The following CHST8 variants were observed in gnomAD, a reference collection of about 807,000 sequenced individuals.
The protein encoded by CHST8 is GALNAC-4-ST1.
Under a neutral mutation model 15.0 loss-of-function variants are expected in CHST8, and 10 were observed. The observed-to-expected ratio is 0.67, with a 90% CI of 0.41 to 1.13. CHST8 has a LOEUF of 1.13. Ranked by LOEUF, CHST8 falls within the 50% of genes most tolerant of loss-of-function variation. The pLI is 0.00. For synonymous variants in CHST8, 259 were observed against 256.6 expected (o/e 1.01, Z -0.09); for missense variants, 634 against 608.2 (o/e 1.04, Z -0.45).
chr19:33,744,514 A>G (rs936161728), intron 3 of CHST8: 1 of 152,130 alleles, frequency 6.6e-6, no homozygotes, highest in Non-Finnish European at 1.5e-5. Context: ...GGTGCCTGCC[A>G]TTGCCAAGAG....
chr19:33,661,867 CAA>C (rs34236738), intron 1 of CHST8, among the ~76,000 whole-genome samples: 1,016 of 76,680 alleles, frequency 0.013, 15 homozygotes, highest in East Asian at 0.048. Context: ...TTCATCTTTA[CAA>C]AAAAAAAAAA....
intron 1 of CHST8, among the ~76,000 whole-genome samples, chr19:33,633,584 G>GT (rs1437493981): frequency 1.1e-4 from 5 of 44,028 alleles, no homozygotes; most frequent in Non-Finnish European, 1.5e-4. Flanking sequence ...TTGTAGAGAT[G>GT]GGGGGGTCTC....
intron 3 of CHST8, among the ~76,000 whole-genome samples, chr19:33,757,605 A>AGCGG (rs1555724636): frequency 8.9e-6 from 1 of 112,922 alleles, no homozygotes; most frequent in African/African-American, 3.7e-5. Context: ...AGAAAGAAAG[A>AGCGG]GCCGGCCATT....
intron 1 of CHST8, among the ~76,000 whole-genome samples, chr19:33,630,388 G>A (rs1600224537): frequency 3.9e-5 from 6 of 152,062 alleles, no homozygotes; most frequent in Admixed American, 2.6e-4. Context: ...CAGCATAGCC[G>A]GTGCGTGGGG....
chr19:33,680,928 C>T (rs1972878342), intron 2 of CHST8, among the ~76,000 whole-genome samples: 1 of 152,096 alleles, frequency 6.6e-6, no homozygotes, highest in African/African-American at 2.4e-5. Context: ...TATTCATATA[C>T]AGTTGTAAGA....
intron 3 of CHST8, among the ~76,000 whole-genome samples, chr19:33,756,659 A>G (rs1240643748): frequency 6.6e-6 from 1 of 152,098 alleles, no homozygotes. Context: ...AAAATCCAAC[A>G]TTTCCTTTTC....
At chr19:33,766,727 C>A (rs1362841891) in intron 3 of CHST8, among the ~76,000 whole-genome samples, 4 of 152,194 alleles carry the variant, frequency 2.6e-5, no homozygotes, top group Non-Finnish European at 5.9e-5. Flanking sequence ...GGGAACTCCC[C>A]ACCCCCAGTC....
intron 3 of CHST8, among the ~76,000 whole-genome samples, chr19:33,702,062 C>A (rs1973349091): frequency 6.6e-6 from 1 of 152,190 alleles, no homozygotes; most frequent in Non-Finnish European, 1.5e-5. Flanking sequence ...GCAACTTCCG[C>A]CTCCCAAGTT....
At chr19:33,721,118 G>A (rs1973781370) in intron 3 of CHST8, among the ~76,000 whole-genome samples, 1 of 152,202 alleles carries the variant, frequency 6.6e-6, no homozygotes, top group African/African-American at 2.4e-5. Flanking sequence ...TCATTGGGAG[G>A]CAACTGGACC....
intron 1 of CHST8, among the ~76,000 whole-genome samples, chr19:33,663,937 C>T (rs1972617911): frequency 6.6e-6 from 1 of 152,104 alleles, no homozygotes; most frequent in African/African-American, 2.4e-5. Flanking sequence ...GGAAAGATGT[C>T]TGAACAGTGT....
intron 3 of CHST8, among the ~76,000 whole-genome samples, chr19:33,745,984 T>A (rs1473365755): frequency 6.6e-6 from 1 of 152,218 alleles, no homozygotes; most frequent in African/African-American, 2.4e-5. Flanking sequence ...TTTACTTGAC[T>A]GGGGCGGAGA....
intron 3 of CHST8, among the ~76,000 whole-genome samples, chr19:33,765,554 T>TGTGTGAGAGA (rs1568362712): frequency 9.7e-6 from 1 of 102,802 alleles, no homozygotes; most frequent in African/African-American, 3.9e-5. Flanking sequence ...TGTGTGTGTG[T>TGTGTGAGAGA]CAGAGAGAGA....
At chr19:33,647,003 CA>C (rs1242757942) in intron 1 of CHST8, among the ~76,000 whole-genome samples, 1 of 152,190 alleles carries the variant, frequency 6.6e-6, no homozygotes, top group African/African-American at 2.4e-5. Context: ...CAGGAATGAA[CA>C]AAGACAGCTT....
rs557679770 is a variant in CHST8 at position 33,633,894 on chromosome 19, G to A, written c.-164+11598G>A. The stretch of plus-strand genomic sequence containing the variant: ...GCTCACGGCAGCCTTGACCTCCCAC[G>A]TTCAGGTGGTCCTCCTGCTTCAGCC... On this transcript the variant is annotated intron_variant, in intron 1 of 4. Transcript: ENST00000650847. 4.3e-4 allele frequency among the ~76,000 whole-genome samples: 65 copies of A among 151,184 alleles called. No homozygotes were observed. The East Asian group carries it at 4.9e-3, about 11-fold the overall frequency.
rs60912987 is a variant in CHST8, at chr19:33,652,001, G to A, written c.-163-15766G>A. Among the ~76,000 whole-genome samples the A allele has an allele frequency of 3.1e-3, 478 of 152,130 alleles. 4 individuals carry two copies. Among genetic ancestry groups the A allele is most frequent in the African/African-American group, 0.011 (456 of 41,520 alleles). On this transcript the variant is annotated intron_variant, in intron 1 of 4. Transcript: ENST00000650847. The stretch of plus-strand genomic sequence containing the variant: ...ATTTATCAACATCAGAGTGAGATGT[G>A]TTAAGATCTCTCAATATGGTTATGA...
At chr19:33,767,614 A>G (rs1028379273) in intron 3 of CHST8, among the ~76,000 whole-genome samples, 3 of 152,236 alleles carry the variant, frequency 2.0e-5, no homozygotes, top group African/African-American at 7.2e-5. Flanking sequence ...CACTCCACGC[A>G]TGTCATCTGT....
rs766831259 is a variant in CHST8, at chr19:33,757,528, GAAAGAA to G, written c.131-13883_131-13878del. On this transcript the variant is annotated intron_variant, in intron 3 of 4. Transcript: ENST00000650847. Reference sequence around the variant, plus strand: ...AAAGAAAGAAAGAAAGAAAGAGAAAGAAAGAAAGAAAGAAAGAAAGAAAGAAAGAAA... The same window carrying G: ...AAAGAAAGAAAGAAAGAAAGAGAAAGAGAAAGAAAGAAAGAAAGAAAGAAA... Among the ~76,000 whole-genome samples, 10 of 30,840 alleles carry G rather than the reference GAAAGAA, an allele frequency of 3.2e-4. 1 individual carries two copies. Among genetic ancestry groups the G allele is most frequent in the Admixed American group, 1.1e-3 (3 of 2,824 alleles). The allele number at this position is 30,840 out of a possible 152,430, so 20.2% of individuals were successfully genotyped here.
At chr19:33,637,990 G>A (rs961877758) in intron 1 of CHST8, among the ~76,000 whole-genome samples, 2 of 151,572 alleles carry the variant, frequency 1.3e-5, no homozygotes, top group Non-Finnish European at 2.9e-5. Context: ...TAAAGGCTGC[G>A]CCCAAATGAG....
intron 2 of CHST8, among the ~76,000 whole-genome samples, chr19:33,671,127 C>T (rs1461139827): frequency 6.6e-6 from 1 of 152,086 alleles, no homozygotes; most frequent in South Asian, 2.1e-4. Context: ...AGCGGGGGCC[C>T]AGCTTACTGA....
Sources: allele counts gnomAD v4.1 joint callset (sites outside exome capture counted in the v4.1 genomes callset), GRCh38; gene constraint gnomAD v4.1.1; transcripts MANE v1.5; gene names NCBI Gene and HGNC (gene_info 2026-07-23, HGNC 2026-07-21).